The following ARL15 variants were observed in gnomAD, a reference collection of about 807,000 sequenced individuals.
ARL15 encodes ADP-ribosylation factor-like protein 15.
A neutral mutation model predicts 25.2 loss-of-function variants in ARL15; 19 were observed. The observed-to-expected ratio is 0.75, with a 90% CI of 0.53 to 1.10. ARL15 has a LOEUF of 1.10. Ranked by LOEUF, ARL15 falls within the 50% of genes least tolerant of loss-of-function variation. The pLI, the probability that ARL15 is intolerant of heterozygous loss-of-function variation, is 0.00. For missense variants in ARL15, 220 were observed against 246.0 expected (o/e 0.89, Z 0.71); for synonymous variants, 94 against 86.8 (o/e 1.08, Z -0.46).
chr5:53,893,029 A>T (rs1744770229), intron 4 of ARL15, among the ~76,000 whole-genome samples: 1 of 152,158 alleles, frequency 6.6e-6, no homozygotes, highest in Non-Finnish European at 1.5e-5. Flanking sequence ...AAAGAGTGGG[A>T]CTTTCCTTGT....
intron 1 of ARL15, among the ~76,000 whole-genome samples, chr5:54,201,606 T>C (rs1053801256): frequency 2.6e-5 from 4 of 152,076 alleles, no homozygotes; most frequent in Non-Finnish European, 5.9e-5. Flanking sequence ...TTACCCCTTA[T>C]GCTTCTTCTT....
chr5:54,020,316 C>A lies in ARL15; in HGVS notation c.462+92886G>T, dbSNP rs1377242617. On this transcript the variant is annotated intron_variant, in intron 4 of 4. Transcript: ENST00000504924. ...ACCACCTTGCAGTACCAAGGCCACC[C>A]CCCTGCAGTGTCAGTAGAGACTGTA... is the stretch of plus-strand genomic sequence containing the variant. Among the ~76,000 whole-genome samples, 3 of 152,112 alleles carry A rather than the reference C, an allele frequency of 2.0e-5. No homozygotes were observed. In the South Asian group the frequency reaches 6.2e-4, roughly 32 times the overall value.
chr5:54,039,721 G>A (rs1750275312), intron 4 of ARL15, among the ~76,000 whole-genome samples: 1 of 139,960 alleles, frequency 7.1e-6, no homozygotes, highest in Admixed American at 7.7e-5. Flanking sequence ...AGAATCGCTT[G>A]AACCCGGGAG....
chr5:54,289,682 G>A (rs1199849331), intron 1 of ARL15, among the ~76,000 whole-genome samples: 1 of 152,168 alleles, frequency 6.6e-6, no homozygotes, highest in Non-Finnish European at 1.5e-5. Flanking sequence ...CTTACTATTT[G>A]TAGGAGCTTG....
At chr5:54,098,948 G>A (rs1752361400) in intron 4 of ARL15, among the ~76,000 whole-genome samples, 2 of 152,174 alleles carry the variant, frequency 1.3e-5, no homozygotes, top group South Asian at 4.1e-4. Flanking sequence ...GAGAGTAAGA[G>A]TTGGTGCGAC....
intron 4 of ARL15, among the ~76,000 whole-genome samples, chr5:53,934,130 T>C (rs1159473936): frequency 6.6e-6 from 1 of 152,214 alleles, no homozygotes; most frequent in Non-Finnish European, 1.5e-5. Flanking sequence ...TACATGCATA[T>C]AGCTGGTCTA....
At chr5:53,963,846 CACAT>C (rs1310427074) in intron 4 of ARL15, among the ~76,000 whole-genome samples, 116 of 132,012 alleles carry the variant, frequency 8.8e-4, no homozygotes, top group African/African-American at 2.1e-3. Flanking sequence ...CACACACACA[CACAT>C]ACACAGAGTA....
chr5:54,099,594 TTTTG>T (rs1365231071), intron 4 of ARL15, among the ~76,000 whole-genome samples: 1 of 152,146 alleles, frequency 6.6e-6, no homozygotes, highest in Non-Finnish European at 1.5e-5. Flanking sequence ...ATTAAATATT[TTTTG>T]TTTGACTTTT....
intron 4 of ARL15, among the ~76,000 whole-genome samples, chr5:54,086,363 A>G (rs2112127366): frequency 6.6e-6 from 1 of 152,172 alleles, no homozygotes; most frequent in African/African-American, 2.4e-5. Flanking sequence ...AAAGGCAAAT[A>G]GCCTCATCCT....
chr5:54,117,370 T>TACACACAC (rs71600803), intron 3 of ARL15, among the ~76,000 whole-genome samples: 18,917 of 143,646 alleles, frequency 0.13, 1,497 homozygotes, highest in African/African-American at 0.22. Context: ...GTGAGACACA[T>TACACACAC]ACACACACAC....
chr5:54,041,157 G>C (rs1192733838), intron 4 of ARL15, among the ~76,000 whole-genome samples: 3 of 152,160 alleles, frequency 2.0e-5, no homozygotes, highest in African/African-American at 7.2e-5. Context: ...ACCATCCTCA[G>C]TCTCATCAAA....
At chr5:54,187,105 G>C (rs1380325351) in intron 1 of ARL15, among the ~76,000 whole-genome samples, 1 of 152,132 alleles carries the variant, frequency 6.6e-6, no homozygotes, top group Non-Finnish European at 1.5e-5. Flanking sequence ...AACTAAGGCA[G>C]CCCAAGGTAA....
intron 1 of ARL15, among the ~76,000 whole-genome samples, chr5:54,181,556 A>G (rs1755058880): frequency 6.6e-6 from 1 of 152,248 alleles, no homozygotes; most frequent in Non-Finnish European, 1.5e-5. Context: ...CCATAAAAAT[A>G]CACAAACACT....
At chr5:54,119,554 G>A (rs964429182) in intron 3 of ARL15, among the ~76,000 whole-genome samples, 1 of 152,056 alleles carries the variant, frequency 6.6e-6, no homozygotes, top group African/African-American at 2.4e-5. Flanking sequence ...TCACTACTCT[G>A]CTCAAAAACA....
chr5:54,191,613 A>T (rs1275220743), intron 1 of ARL15, among the ~76,000 whole-genome samples: 1 of 152,130 alleles, frequency 6.6e-6, no homozygotes, highest in Admixed American at 6.6e-5. Flanking sequence ...AAAACTCTAG[A>T]ATAATCCTTG....
chr5:54,210,374 C>T (rs541358257), intron 1 of ARL15, among the ~76,000 whole-genome samples: 11 of 152,300 alleles, frequency 7.2e-5, no homozygotes, highest in Admixed American at 3.9e-4. Context: ...AATCCACTCA[C>T]TTTCCAGCCA....
At chr5:54,028,299 C>A (rs1749853824) in intron 4 of ARL15, among the ~76,000 whole-genome samples, 1 of 151,994 alleles carries the variant, frequency 6.6e-6, no homozygotes, top group Non-Finnish European at 1.5e-5. Context: ...TGCAATCGGT[C>A]AAAAGATTAA....
At chr5:53,971,246 G>A (rs1747739548) in intron 4 of ARL15, among the ~76,000 whole-genome samples, 1 of 152,096 alleles carries the variant, frequency 6.6e-6, no homozygotes. Flanking sequence ...GGGAGATGAG[G>A]GCTGTGGTCA....
At chr5:54,095,475 T>C (rs1752257534) in intron 4 of ARL15, among the ~76,000 whole-genome samples, 1 of 152,098 alleles carries the variant, frequency 6.6e-6, no homozygotes, top group Non-Finnish European at 1.5e-5. Flanking sequence ...AAAAAACACG[T>C]GAATGAATGG....
Sources: gnomAD v4.1 joint callset for allele counts (sites outside exome capture counted in the v4.1 genomes callset) on GRCh38, gnomAD v4.1.1 for gene constraint, MANE v1.5 for transcripts, NCBI Gene and HGNC (gene_info 2026-07-23, HGNC 2026-07-21) for gene names.